MAST2: variants seen among roughly 807,000 people sequenced by gnomAD.
The protein encoded by MAST2 is microtubule-associated serine/threonine-protein kinase 2.
MAST2 carries 70 observed loss-of-function variants against 147.4 expected under a neutral mutation model. The ratio of observed to expected loss-of-function variants is 0.47; its 90% confidence interval spans 0.39 to 0.58. MAST2 has a LOEUF of 0.58. Among genes scored for constraint, MAST2 ranks in the 20% least tolerant of loss-of-function variants. The pLI, the probability that MAST2 is intolerant of heterozygous loss-of-function variation, is 0.00. For synonymous variants in MAST2, 869 were observed against 896.8 expected, an observed-to-expected ratio of 0.97 and a Z score of 0.55; for missense variants, 2,080 against 2,302.3, an observed-to-expected ratio of 0.90 and a Z score of 1.98.
chr1:45,908,059 T>A (rs920259934), intron 4 of MAST2, among the ~76,000 whole-genome samples: 1 of 152,186 alleles, frequency 6.6e-6, no homozygotes, highest in Non-Finnish European at 1.5e-5. Context: ...TCTTGATGTC[T>A]ATTACTGTGG....
intron 5 of MAST2, among the ~76,000 whole-genome samples, chr1:45,971,653 A>T (rs1200890013): frequency 6.6e-6 from 1 of 152,206 alleles, no homozygotes. Context: ...GCTTAAAGGA[A>T]TTCTCTTCTT....
At chr1:45,927,643 G>A (rs145020490) in intron 4 of MAST2, among the ~76,000 whole-genome samples, 2 of 152,226 alleles carry the variant, frequency 1.3e-5, no homozygotes, top group East Asian at 3.9e-4. Flanking sequence ...CTTTTTTCAA[G>A]GTGCTCAGAT....
At chr1:45,978,053 T>C (rs568890106) in intron 5 of MAST2, among the ~76,000 whole-genome samples, 1 of 151,858 alleles carries the variant, frequency 6.6e-6, no homozygotes, top group Admixed American at 6.6e-5. Context: ...CTATCTCTTA[T>C]ATTTAAAAAA....
chr1:45,820,026 T>C (rs996360136), intron 1 of MAST2, among the ~76,000 whole-genome samples: 3 of 152,076 alleles, frequency 2.0e-5, no homozygotes, highest in Non-Finnish European at 4.4e-5. Context: ...AGAGAACCCA[T>C]TAATAAATCC....
At position 45,992,851 on chromosome 1, in the gene MAST2, G is replaced by A. The variant is rs151123028; in HGVS notation, c.593-4873G>A. Reference sequence around the variant, plus strand: ...ATTCCACCTGTTTTTTTCTCCTTCCGTGATCTTTTGCTGCTTTATTTGGGG... The same window carrying A: ...ATTCCACCTGTTTTTTTCTCCTTCCATGATCTTTTGCTGCTTTATTTGGGG... On this transcript the variant is annotated intron_variant, in intron 5 of 28. Coordinates refer to ENST00000361297, the MANE Select transcript of MAST2 (RefSeq NM_015112.3). Among the ~76,000 whole-genome samples, 1,130 of 151,648 alleles carry A rather than the reference G, an allele frequency of 7.5e-3. 18 individuals carry two copies. The highest frequency in any genetic ancestry group is 0.026 in the African/African-American group (1,063 of 41,266).
chr1:45,992,870 TTTGGGG>T (rs1644904335), intron 5 of MAST2, among the ~76,000 whole-genome samples: 1 of 152,194 alleles, frequency 6.6e-6, no homozygotes, highest in Non-Finnish European at 1.5e-5. Flanking sequence ...TGCTGCTTTA[TTTGGGG>T]TTAAGTGTGT....
Position 46,029,934 on chromosome 1 carries a change from T to TG in MAST2, c.2425dup (p.Asp809GlyfsTer3). 6.2e-7 allele frequency: 1 copy of TG among 1,614,196 alleles called. No individual in the cohort carries two copies. Among genetic ancestry groups the TG allele is most frequent in the Non-Finnish European group, 8.5e-7 (1 of 1,180,038 alleles). ...TTATTCCTCAGTTGGAGTCAGAGGA[T>TG]GATACTAGCTATTTTGACAGTAAGG... is the stretch of plus-strand genomic sequence containing the variant. On this transcript the variant is annotated frameshift_variant, in exon 20 of 29. Transcript: ENST00000361297. LOFTEE classifies it high-confidence loss of function.
At chr1:46,006,597 A>G in intron 8 of MAST2, 2 of 405,210 alleles carry the variant, frequency 4.9e-6, no homozygotes, top group East Asian at 7.9e-5. Context: ...TTTATTTACA[A>G]AAGAAAAAAA....
intron 3 of MAST2, among the ~76,000 whole-genome samples, chr1:45,860,090 G>T (rs149502508): frequency 2.6e-5 from 4 of 152,146 alleles, no homozygotes; most frequent in East Asian, 1.9e-4. Context: ...GGGCGGGGTG[G>T]CTCATGCCTG....
rs541580462 is a variant in MAST2 at position 45,995,076 on chromosome 1, G to A, written c.593-2648G>A. ...AGGATGGTCTCGATCTCCTGGCCTC[G>A]TGATCCGCCCACCTCAGCCTCCCAA... is the stretch of plus-strand genomic sequence containing the variant. On this transcript the variant is annotated intron_variant, in intron 5 of 28. Transcript: ENST00000361297. Among the ~76,000 whole-genome samples, 9 of 152,184 alleles carry A rather than the reference G, an allele frequency of 5.9e-5. No homozygotes were observed. The East Asian group carries it at 1.2e-3, about 20-fold the overall frequency.
chr1:46,023,365 C>T lies in MAST2; in HGVS notation c.1571+47C>T. 1 of 1,535,936 alleles carries T rather than the reference C, an allele frequency of 6.5e-7. No homozygotes were observed. Among genetic ancestry groups the T allele is most frequent in the Non-Finnish European group, 9.0e-7 (1 of 1,109,790 alleles). On this transcript the variant is annotated intron_variant, in intron 14 of 28. Transcript: ENST00000361297. This position sits in a 1 kb window ranked among gnomAD's most constrained non-coding sequence, Gnocchi z 4.9. ...TGGCCAGGACTGAAGCCGGGTCAGC[C>T]TTTGATCTCTTCCATGTGAGAGTGT...
rs892721900 is a variant in MAST2 at position 45,977,782 on chromosome 1, A to C, written c.592+18305A>C. On this transcript the variant is annotated intron_variant, in intron 5 of 28. Transcript: ENST00000361297. ...GCCACTACACTCTAGCCTGAGTGAC[A>C]GAGCAAGACTCTTGTCTCAAAAAAA... Among the ~76,000 whole-genome samples the C allele has an allele frequency of 2.8e-5, 4 of 141,042 alleles. No individual in the cohort carries two copies. The South Asian group carries it at 7.4e-4, about 26-fold the overall frequency. 92.5% of individuals were successfully genotyped at this position (141,042 alleles called of 152,430 possible).
intron 1 of MAST2, among the ~76,000 whole-genome samples, chr1:45,815,856 T>C (rs1644434098): frequency 6.6e-6 from 1 of 152,198 alleles, no homozygotes. Context: ...TTCAGGGCCA[T>C]GCCTAACTAC....
intron 10 of MAST2, among the ~76,000 whole-genome samples, chr1:46,017,268 A>G (rs891959990): frequency 1.3e-5 from 2 of 152,252 alleles, no homozygotes; most frequent in African/African-American, 4.8e-5. Flanking sequence ...GGCTTGGGCA[A>G]GGACTTCATG....
In MAST2 at chr1:45,805,037, G is replaced by A. The variant is rs935997970; in HGVS notation, c.177+965G>A. On this transcript the variant is annotated intron_variant, in intron 1 of 28. Coordinates refer to ENST00000361297, the MANE Select transcript of MAST2 (RefSeq NM_015112.3). ...TACCTCTTTTCTCTCAGATAAATTA[G>A]CATTTTCCTTAGACATTTTTTTTTT... Among the ~76,000 whole-genome samples, 5 of 145,432 alleles carry A rather than the reference G, an allele frequency of 3.4e-5. No homozygotes were observed. In the Admixed American group the frequency reaches 3.6e-4, roughly 10 times the overall value.
chr1:45,865,196 TGTACTGAACA>T, intron 3 of MAST2: 2 of 449,948 alleles, frequency 4.4e-6, no homozygotes, highest in Non-Finnish European at 8.9e-6. Context: ...CTCTTGTAAA[TGTACTGAACA>T]GATTGTTATA....
chr1:45,958,280 C>T (rs568637660), intron 4 of MAST2, among the ~76,000 whole-genome samples: 4 of 152,144 alleles, frequency 2.6e-5, no homozygotes, highest in Non-Finnish European at 5.9e-5. Flanking sequence ...TAACCTACTT[C>T]TTTTTCTGTC....
rs1459915344 is a variant in MAST2, at chr1:45,987,602, A to G, written c.593-10122A>G. The stretch of plus-strand genomic sequence containing the variant: ...GCTGGAATTACAAACGTTAGCCACT[A>G]TGCCTGGCGTTGTGTATGGTTTTAT... On this transcript the variant is annotated intron_variant, in intron 5 of 28. Transcript: ENST00000361297. Among the ~76,000 whole-genome samples the G allele has an allele frequency of 2.0e-5, 3 of 152,090 alleles. 1 individual carries two copies. Among genetic ancestry groups the G allele is most frequent in the Middle Eastern group, 6.8e-3 (2 of 294 alleles).
intron 1 of MAST2, among the ~76,000 whole-genome samples, chr1:45,817,332 A>G (rs1372956599): frequency 6.6e-6 from 1 of 152,164 alleles, no homozygotes; most frequent in Non-Finnish European, 1.5e-5. Flanking sequence ...GCAGTAAGAG[A>G]AAAAACACAA....
Sources: gnomAD v4.1 joint callset for allele counts (sites outside exome capture counted in the v4.1 genomes callset) on GRCh38, gnomAD v4.1.1 for gene constraint, Gnocchi (gnomAD v3.1) non-coding constraint, MANE v1.5 for transcripts, NCBI Gene and HGNC (gene_info 2026-07-23, HGNC 2026-07-21) for gene names.